KHDRBS2: variants seen among roughly 807,000 people sequenced by gnomAD.
KHDRBS2 encodes the protein KH domain-containing, RNA-binding, signal transduction-associated protein 2.
A neutral mutation model predicts 44.3 loss-of-function variants in KHDRBS2; 26 were observed. The ratio of observed to expected loss-of-function variants is 0.59; its 90% CI spans 0.43 to 0.81. The LOEUF (loss-of-function observed/expected upper bound fraction) is 0.81, where lower values mean the gene tolerates loss of function less well. Among genes scored for constraint, KHDRBS2 ranks in the 40% least tolerant of loss-of-function variants. The pLI is 0.00. For synonymous variants in KHDRBS2, 194 were observed against 151.1 expected (o/e 1.28, Z -2.08); for missense variants, 476 against 433.1 (o/e 1.10, Z -0.88).
intron 2 of KHDRBS2, among the ~76,000 whole-genome samples, chr6:62,095,879 T>G (rs1245255913): frequency 6.6e-6 from 1 of 151,900 alleles, no homozygotes; most frequent in Non-Finnish European, 1.5e-5. Flanking sequence ...TTTATTACAT[T>G]GAGGTGCATT....
chr6:61,686,382 C>T (rs1211483066), intron 8 of KHDRBS2, among the ~76,000 whole-genome samples: 2 of 151,762 alleles, frequency 1.3e-5, no homozygotes, highest in East Asian at 3.9e-4. Flanking sequence ...TTGTTCATCT[C>T]AGCTAAGTTT....
the KHDRBS2 span, among the ~76,000 whole-genome samples, chr6:61,592,503 G>C: frequency 6.6e-6 from 1 of 152,054 alleles, no homozygotes; most frequent in African/African-American, 2.4e-5. Context: ...CCTAGATCTC[G>C]ATAAAGGGGC....
At chr6:61,748,283 C>A (rs1259085991) in intron 6 of KHDRBS2, among the ~76,000 whole-genome samples, 5 of 152,270 alleles carry the variant, frequency 3.3e-5, no homozygotes, top group South Asian at 2.1e-4. Context: ...GCCACCACAC[C>A]CAGACTTAAT....
At chr6:61,657,162 A>G in the KHDRBS2 span, among the ~76,000 whole-genome samples, 1 of 151,962 alleles carries the variant, frequency 6.6e-6, no homozygotes, top group Non-Finnish European at 1.5e-5. Context: ...TCCTGATACC[A>G]AAGTAAGTGG....
chr6:61,607,519 G>GAAAAAAAAAAAAA, the KHDRBS2 span, among the ~76,000 whole-genome samples: 97 of 23,264 alleles, frequency 4.2e-3, 17 homozygotes, highest in South Asian at 9.3e-3. Context: ...TGAGTTCCAA[G>GAAAAAAAAAAAAA]CAAAAAAAAA....
intron 2 of KHDRBS2, among the ~76,000 whole-genome samples, chr6:62,070,886 C>A (rs1005777112): frequency 1.3e-5 from 2 of 152,076 alleles, no homozygotes; most frequent in Admixed American, 6.6e-5. Flanking sequence ...AATGGTATTT[C>A]TAGTTCTAGA....
chr6:61,559,948 C>A, the KHDRBS2 span, among the ~76,000 whole-genome samples: 1 of 152,176 alleles, frequency 6.6e-6, no homozygotes, highest in Admixed American at 6.5e-5. Flanking sequence ...ATTAACATCC[C>A]TTTTTTCAGA....
chr6:61,575,966 A>T, the KHDRBS2 span, among the ~76,000 whole-genome samples: 1 of 152,028 alleles, frequency 6.6e-6, no homozygotes, highest in Non-Finnish European at 1.5e-5. Context: ...AGGGTAGGAG[A>T]GGGGTGAGGG....
intron 4 of KHDRBS2, among the ~76,000 whole-genome samples, chr6:61,924,886 A>G (rs1197833812): frequency 1.3e-5 from 2 of 152,124 alleles, no homozygotes; most frequent in Non-Finnish European, 2.9e-5. Flanking sequence ...TTGTAACTTC[A>G]TAGTTAAGAG....
At chr6:61,710,619 C>G (rs1449463918) in intron 7 of KHDRBS2, among the ~76,000 whole-genome samples, 2 of 151,068 alleles carry the variant, frequency 1.3e-5, no homozygotes, top group Non-Finnish European at 3.0e-5. Flanking sequence ...CTACATGGAA[C>G]TCCTTCTACT....
chr6:62,069,278 GAAGAA>G (rs1026303266), intron 2 of KHDRBS2, among the ~76,000 whole-genome samples: 4 of 151,630 alleles, frequency 2.6e-5, no homozygotes, highest in East Asian at 2.0e-4. Context: ...AAAATAAGCT[GAAGAA>G]AAGAAAATGT....
chr6:62,082,650 C>A (rs375269988), intron 2 of KHDRBS2, among the ~76,000 whole-genome samples: 4 of 152,198 alleles, frequency 2.6e-5, no homozygotes, highest in East Asian at 1.9e-4. Context: ...GGACAGAGAA[C>A]CTCTCTTCTG....
intron 1 of KHDRBS2, among the ~76,000 whole-genome samples, chr6:62,179,562 A>G (rs1821838668): frequency 6.6e-6 from 1 of 151,788 alleles, no homozygotes; most frequent in South Asian, 2.1e-4. Flanking sequence ...CACCTACATA[A>G]TGTCATACTT....
intron 2 of KHDRBS2, among the ~76,000 whole-genome samples, chr6:62,165,440 C>T (rs1818484204): frequency 6.6e-6 from 1 of 150,782 alleles, no homozygotes; most frequent in South Asian, 2.1e-4. Context: ...ATACTAATTA[C>T]ATGCGTCCAT....
At chr6:61,828,090 A>G (rs886226637) in intron 6 of KHDRBS2, among the ~76,000 whole-genome samples, 1 of 152,138 alleles carries the variant, frequency 6.6e-6, no homozygotes, top group African/African-American at 2.4e-5. Flanking sequence ...AGAAAGAAGG[A>G]TCTGGGAGAC....
At chr6:61,585,993 C>T in the KHDRBS2 span, among the ~76,000 whole-genome samples, 2 of 152,048 alleles carry the variant, frequency 1.3e-5, no homozygotes, top group Non-Finnish European at 2.9e-5. Context: ...CTTCTCCAGA[C>T]TATGAAGGGG....
intron 6 of KHDRBS2, among the ~76,000 whole-genome samples, chr6:61,872,393 AAT>A (rs1798784643): frequency 6.6e-6 from 1 of 152,136 alleles, no homozygotes; most frequent in Non-Finnish European, 1.5e-5. Flanking sequence ...TTCTGGATAT[AAT>A]ATAAACACAT....
chr6:62,161,939 G>A (rs1242323848), intron 2 of KHDRBS2, among the ~76,000 whole-genome samples: 1 of 151,848 alleles, frequency 6.6e-6, no homozygotes. Flanking sequence ...CATTGTTGAT[G>A]TCACAAAATT....
chr6:61,704,438 G>A (rs1410869385), intron 7 of KHDRBS2, among the ~76,000 whole-genome samples: 1 of 151,740 alleles, frequency 6.6e-6, no homozygotes, highest in Non-Finnish European at 1.5e-5. Flanking sequence ...GAAGCCTTAT[G>A]GTAGGGGGTC....
Sources: gnomAD v4.1 joint callset for allele counts (sites outside exome capture counted in the v4.1 genomes callset) on GRCh38, gnomAD v4.1.1 for gene constraint, MANE v1.5 for transcripts, NCBI Gene and HGNC (gene_info 2026-07-23, HGNC 2026-07-21) for gene names.